Variants in SCUBE1 observed in about 807,000 individuals in gnomAD.
SCUBE1 encodes signal peptide, CUB domain and EGF like domain containing 1.
A neutral mutation model predicts 124.4 loss-of-function variants in SCUBE1; 59 were observed. The observed-to-expected ratio is 0.47, with a 90% CI of 0.38 to 0.59. The LOEUF (loss-of-function observed/expected upper bound fraction) is 0.59, where lower values mean the gene tolerates loss of function less well. Among genes scored for constraint, SCUBE1 ranks in the 20% least tolerant of loss-of-function variants. The pLI is 0.00. For synonymous variants in SCUBE1, 545 were observed against 550.9 expected (o/e 0.99, Z 0.15); for missense variants, 1,150 against 1,371.2 (o/e 0.84, Z 2.55).
At position 43,333,165 on chromosome 22, in the gene SCUBE1, C is replaced by T. The variant is rs115428941; in HGVS notation, c.220+5939G>A. ...CTGTCACTCACGGGGACTGCCTCAA[C>T]GCCCTTCGAAGTTTCTTCCAACTCC... On this transcript the variant is annotated intron_variant, in intron 2 of 21. Transcript: ENST00000360835. Among the ~76,000 whole-genome samples, 715 of 152,314 alleles carry T rather than the reference C, an allele frequency of 4.7e-3. 5 individuals are homozygous for T. Among genetic ancestry groups the T allele is most frequent in the African/African-American group, 0.016 (648 of 41,570 alleles).
rs1239232584 is a variant in SCUBE1 at position 43,212,482 on chromosome 22, C to T, written c.2164G>A (p.Gly722Arg). ...PGRTGCFPCG[G>R]GLLTKHEGTT... ...CCTTCGTGTTTGGTGAGCAAACCCC[C>T]TCCACAGGGGAAGCAGCCGGTGCGC... Residue 722 changes from glycine (G) to arginine (R), a missense_variant, in exon 17 of 22, where the codon GGG becomes AGG. Coordinates refer to ENST00000360835, the MANE Select transcript of SCUBE1 (RefSeq NM_173050.5). The T allele has an allele frequency of 1.9e-6, 3 of 1,554,536 alleles. No homozygotes were observed. The highest frequency in any genetic ancestry group is 1.7e-6 in the Non-Finnish European group (2 of 1,149,010).
chr22:43,246,510 C>T lies in SCUBE1; in HGVS notation c.728-7556G>A, dbSNP rs114511215. Reference sequence around the variant, plus strand: ...GATCAGGCTCATGCCAGGCCCTGTGCAAAGCCTGGGGAGGCAGAGCTATCA... The same window carrying T: ...GATCAGGCTCATGCCAGGCCCTGTGTAAAGCCTGGGGAGGCAGAGCTATCA... On this transcript the variant is annotated intron_variant, in intron 6 of 21. Coordinates refer to ENST00000360835, the MANE Select transcript of SCUBE1 (RefSeq NM_173050.5). 6.4e-3 allele frequency among the ~76,000 whole-genome samples: 982 copies of T among 152,336 alleles called. 9 individuals are homozygous for T. Among genetic ancestry groups the T allele is most frequent in the African/African-American group, 0.023 (941 of 41,586 alleles).
chr22:43,311,400 T>G (rs962435706), intron 3 of SCUBE1, among the ~76,000 whole-genome samples: 21 of 151,478 alleles, frequency 1.4e-4, no homozygotes, highest in African/African-American at 4.9e-4. Context: ...GTGGAAGGCT[T>G]TAGTATTATT....
chr22:43,214,046 C>CGGGGGGGGGGGGGGGGGGGG, intron 16 of SCUBE1, 44 bp downstream of exon 16: 7 of 422,702 alleles, frequency 1.7e-5, no homozygotes, highest in Non-Finnish European at 2.9e-5. Context: ...GAGGAGCCCC[C>CGGGGGGGGGGGGGGGGGGGG]GCCCACCCCC....
intron 3 of SCUBE1, among the ~76,000 whole-genome samples, chr22:43,303,600 G>T (rs1925856162): frequency 6.6e-6 from 1 of 152,260 alleles, no homozygotes; most frequent in African/African-American, 2.4e-5. Context: ...GCACTCGCTT[G>T]GCTGAGGCAC....
At chr22:43,318,501 T>G (rs1926428933) in intron 3 of SCUBE1, among the ~76,000 whole-genome samples, 1 of 152,036 alleles carries the variant, frequency 6.6e-6, no homozygotes, top group Non-Finnish European at 1.5e-5. Context: ...AGAGTAAGAC[T>G]CTGTCTCAAA....
At chr22:43,262,522 C>T (rs1442638640) in intron 5 of SCUBE1, among the ~76,000 whole-genome samples, 198 bp downstream of exon 5, 2 of 152,136 alleles carry the variant, frequency 1.3e-5, no homozygotes, top group South Asian at 2.1e-4. Context: ...GTGCTTGGTG[C>T]GGAAAACCCC....
intron 2 of SCUBE1, among the ~76,000 whole-genome samples, chr22:43,329,873 G>C (rs1400088320): frequency 2.6e-5 from 4 of 152,152 alleles, no homozygotes; most frequent in Admixed American, 2.6e-4. Flanking sequence ...TAGAAATAAT[G>C]GTTTTTGCTG....
chr22:43,205,447 G>T (rs969395761), intron 21 of SCUBE1, among the ~76,000 whole-genome samples: 6 of 151,876 alleles, frequency 4.0e-5, no homozygotes, highest in Non-Finnish European at 7.4e-5. Context: ...CCCAGGGAAG[G>T]TGTTCAGCAA....
rs927632343 is a variant in SCUBE1 at position 43,212,309 on chromosome 22, C to G, written c.2221+116G>C. On this transcript the variant is annotated intron_variant, in intron 17 of 21. Transcript: ENST00000360835. ...CACGCCTGACAGCTCCAGGCTCCTC[C>G]TCTGAGCTGGGAGGTTCGCCACATG... 9 of 1,210,852 alleles carry G rather than the reference C, an allele frequency of 7.4e-6. No individual in the cohort carries two copies. The African/African-American group carries it at 1.2e-4, about 16-fold the overall frequency. The allele number at this position is 1,210,852 out of a possible 1,614,324, so 75.0% of individuals were successfully genotyped here. A position where few individuals can be genotyped will look rare whatever the true frequency, so the allele number is the denominator to read the frequency against.
At chr22:43,319,227 T>C (rs1287788475) in intron 3 of SCUBE1, among the ~76,000 whole-genome samples, 5 of 152,086 alleles carry the variant, frequency 3.3e-5, no homozygotes, top group Non-Finnish European at 7.4e-5. Flanking sequence ...GAGTGGGCCC[T>C]ACTCCAATAT....
intron 6 of SCUBE1, among the ~76,000 whole-genome samples, chr22:43,250,403 C>A (rs908824860): frequency 2.0e-5 from 3 of 152,220 alleles, no homozygotes; most frequent in African/African-American, 7.2e-5. Flanking sequence ...CTCAGGGGGC[C>A]CTGTCCCTGC....
intron 4 of SCUBE1, among the ~76,000 whole-genome samples, chr22:43,266,895 C>A (rs970260570): frequency 2.0e-5 from 3 of 152,196 alleles, no homozygotes; most frequent in African/African-American, 7.2e-5. Context: ...CTCTTTTGAC[C>A]TTCCACGGCT....
chr22:43,250,243 G>A (rs1923387299), intron 6 of SCUBE1, among the ~76,000 whole-genome samples: 1 of 152,254 alleles, frequency 6.6e-6, no homozygotes, highest in Admixed American at 6.5e-5. Flanking sequence ...GGCTCCTGCA[G>A]GTCTAGGGCC....
In SCUBE1 at chr22:43,211,176, G is replaced by T; in HGVS notation, c.2222-93C>A. On this transcript the variant is annotated intron_variant, in intron 17 of 21. Coordinates refer to ENST00000360835, the MANE Select transcript of SCUBE1 (RefSeq NM_173050.5). The surrounding 1 kb of genome is among the most constrained non-coding windows in gnomAD (Gnocchi z 4.5). The stretch of plus-strand genomic sequence containing the variant: ...TGTCCCCAGGACCTCTCATGCCCTC[G>T]AGGTCTGTTTTGGCACAGAGTTCAA... 1 of 1,356,756 alleles carries T rather than the reference G, an allele frequency of 7.4e-7. No homozygotes were observed. The highest frequency in any genetic ancestry group is 1.0e-6 in the Non-Finnish European group (1 of 985,684). The allele number at this position is 1,356,756 out of a possible 1,614,324, so 84.0% of individuals were successfully genotyped here.
At chr22:43,271,789 G>A (rs747792659) in intron 4 of SCUBE1, among the ~76,000 whole-genome samples, 5 of 152,144 alleles carry the variant, frequency 3.3e-5, no homozygotes, top group African/African-American at 4.8e-5. Context: ...AAATGCAAGT[G>A]ACCAAAGACT....
intron 10 of SCUBE1, among the ~76,000 whole-genome samples, chr22:43,224,369 A>G (rs1422155507): frequency 6.6e-6 from 1 of 152,214 alleles, no homozygotes; most frequent in African/African-American, 2.4e-5. Flanking sequence ...GGAGACACAC[A>G]TTTACCTGTG....
In SCUBE1 at chr22:43,234,703, C is replaced by A. The variant is rs534818979; in HGVS notation, c.845-2828G>T. 9.1e-3 allele frequency among the ~76,000 whole-genome samples: 1,388 copies of A among 152,292 alleles called. 16 individuals carry two copies. The highest frequency in any genetic ancestry group is 0.032 in the African/African-American group (1,333 of 41,546). ...GCTCCTTCCTGGGTTCCCACCCCAC[C>A]GCCCCACACCAGGCAGCCAGCACCA... On this transcript the variant is annotated intron_variant, in intron 7 of 21. Transcript: ENST00000360835. This position sits in a 1 kb window ranked among gnomAD's most constrained non-coding sequence, Gnocchi z 4.4.
Position 43,238,858 on chromosome 22 carries a change from G to A in SCUBE1, c.824C>T (p.Pro275Leu), listed in dbSNP as rs552279204. Residue 275 changes from proline to leucine, a missense_variant, in exon 7 of 22, where the codon CCG becomes CTG. Transcript: ENST00000360835. Reference sequence around the variant, plus strand: ...CTGACCTTTGCATGTCTTCCCGTCCGGCTGCAGTGTGAATCCAACGGGGCA... The same window carrying A: ...CTGACCTTTGCATGTCTTCCCGTCCAGCTGCAGTGTGAATCCAACGGGGCA... The part of the protein sequence containing the change: ...CSCPVGFTLQ[P>L]DGKTCKDINE... 30 of 1,613,120 alleles carry A rather than the reference G, an allele frequency of 1.9e-5. No individual in the cohort carries two copies. The highest frequency in any genetic ancestry group is 1.1e-4 in the East Asian group (5 of 44,884).
Sources: allele counts gnomAD v4.1 joint callset (sites outside exome capture counted in the v4.1 genomes callset), GRCh38; gene constraint gnomAD v4.1.1; non-coding constraint Gnocchi (gnomAD v3.1); transcripts MANE v1.5; gene names NCBI Gene and HGNC (gene_info 2026-07-23, HGNC 2026-07-21).